YEATS4: variants seen among roughly 807,000 people sequenced by gnomAD.
YEATS4 encodes the protein YEATS domain containing 4.
A neutral mutation model predicts 30.1 loss-of-function variants in YEATS4; 17 were observed. The observed-to-expected ratio is 0.56, with a 90% confidence interval of 0.39 to 0.85. The LOEUF is 0.85. Ranked by LOEUF, YEATS4 falls within the 40% of genes least tolerant of loss-of-function variation. YEATS4 has a pLI of 0.00. For missense variants in YEATS4, 142 were observed against 268.3 expected (o/e 0.53, Z 3.29); for synonymous variants, 85 against 87.5 (o/e 0.97, Z 0.16).
At chr12:69,414,921 G>T in the YEATS4 span, among the ~76,000 whole-genome samples, 43,982 of 152,088 alleles carry the variant, frequency 0.29, 7,201 homozygotes, top group Non-Finnish European at 0.37. Context: ...TTCTTTTTGG[G>T]ATATCAATAA....
At chr12:69,394,558 C>T (rs541679714), downstream of YEATS4, among the ~76,000 whole-genome samples, 2 of 152,276 alleles carry the variant, frequency 1.3e-5, no homozygotes, top group African/African-American at 4.8e-5. Flanking sequence ...ACAGAGAAGA[C>T]ATCACTGATG....
chr12:69,418,354 A>T, the YEATS4 span, among the ~76,000 whole-genome samples: 1 of 152,158 alleles, frequency 6.6e-6, no homozygotes, highest in South Asian at 2.1e-4. Context: ...AGGGAGGCTG[A>T]GGCACAAGAA....
At chr12:69,378,342 T>G (rs1875946713) in intron 6 of YEATS4, among the ~76,000 whole-genome samples, 1 of 152,190 alleles carries the variant, frequency 6.6e-6, no homozygotes, top group African/African-American at 2.4e-5. Flanking sequence ...GATTGGAGAC[T>G]TTAGTCCATT....
intron 1 of YEATS4, among the ~76,000 whole-genome samples, chr12:69,361,865 G>A (rs12371475): frequency 0.13 from 19,216 of 152,168 alleles, 1,548 homozygotes; most frequent in Non-Finnish European, 0.18. Flanking sequence ...TATTTACCAA[G>A]CTTCAGTCAT....
chr12:69,411,303 T>C, the YEATS4 span, among the ~76,000 whole-genome samples: 2 of 152,138 alleles, frequency 1.3e-5, no homozygotes, highest in Non-Finnish European at 2.9e-5. Flanking sequence ...CTAATTTTTG[T>C]AGTATTTGTA....
chr12:69,365,545 T>C (rs1764646437), intron 2 of YEATS4, 88 bp from the exon 3 acceptor site: 1 of 880,494 alleles, frequency 1.1e-6, no homozygotes, highest in Non-Finnish European at 1.8e-6. Context: ...AGTATGTTTT[T>C]TATAAAACTA....
the YEATS4 span, among the ~76,000 whole-genome samples, chr12:69,413,512 C>T: frequency 0.03 from 4,101 of 137,138 alleles, 215 homozygotes; most frequent in African/African-American, 0.1. Context: ...TCTTCAACGC[C>T]CCCCCCATCT....
chr12:69,421,345 G>C, the YEATS4 span, among the ~76,000 whole-genome samples: 28 of 152,124 alleles, frequency 1.8e-4, no homozygotes, highest in African/African-American at 6.0e-4. Flanking sequence ...AGTTATAAAG[G>C]TGTGTCAGGC....
chr12:69,420,739 C>T, the YEATS4 span, among the ~76,000 whole-genome samples: 1 of 140,482 alleles, frequency 7.1e-6, no homozygotes. Context: ...GTTATGTGAA[C>T]TTTAACACAA....
intron 6 of YEATS4, among the ~76,000 whole-genome samples, chr12:69,386,202 C>T (rs1407329652): frequency 6.6e-6 from 1 of 152,188 alleles, no homozygotes; most frequent in Non-Finnish European, 1.5e-5. Context: ...CTCATGTCTT[C>T]TTCCAAACAT....
chr12:69,375,285 C>T (rs1166644254), intron 6 of YEATS4, among the ~76,000 whole-genome samples: 47 of 150,102 alleles, frequency 3.1e-4, no homozygotes, highest in African/African-American at 1.1e-3. Flanking sequence ...CGGGCAGAGG[C>T]GCTCTTCACA....
At chr12:69,393,119 TTAA>T (rs1868328013), downstream of YEATS4, among the ~76,000 whole-genome samples, 1 of 152,208 alleles carries the variant, frequency 6.6e-6, no homozygotes, top group South Asian at 2.1e-4. Context: ...GTTTTGTTTT[TTAA>T]TAATAATAGA....
chr12:69,378,509 A>G (rs1875955882), intron 6 of YEATS4, among the ~76,000 whole-genome samples: 1 of 150,836 alleles, frequency 6.6e-6, no homozygotes, highest in Admixed American at 6.6e-5. Flanking sequence ...GTATATTTTA[A>G]TTTCTTTTTA....
the YEATS4 span, among the ~76,000 whole-genome samples, chr12:69,413,353 GAAAAAAA>G: frequency 1.8e-5 from 2 of 110,630 alleles, no homozygotes; most frequent in South Asian, 2.6e-4. Flanking sequence ...GTCTCTAAAT[GAAAAAAA>G]AAAAAAAAAA....
the YEATS4 span, chr12:69,401,286 CTTGTT>C: frequency 6.6e-6 from 1 of 152,064 alleles, no homozygotes; most frequent in East Asian, 1.9e-4. Context: ...ATGTTCATTG[CTTGTT>C]TTAATAGTGA....
chr12:69,407,862 A>C, the YEATS4 span, among the ~76,000 whole-genome samples: 1 of 151,964 alleles, frequency 6.6e-6, no homozygotes, highest in African/African-American at 2.4e-5. Context: ...GATTACAGGC[A>C]TGTGCCACCA....
chr12:69,384,754 T>A (rs1876207105), intron 6 of YEATS4, among the ~76,000 whole-genome samples: 1 of 152,210 alleles, frequency 6.6e-6, no homozygotes, highest in Non-Finnish European at 1.5e-5. Flanking sequence ...TATATTTAAT[T>A]TCTGCATTTC....
At chr12:69,373,094 C>T (rs1483305989) in intron 6 of YEATS4, among the ~76,000 whole-genome samples, 3 of 152,166 alleles carry the variant, frequency 2.0e-5, no homozygotes, top group Non-Finnish European at 2.9e-5. Context: ...ACTGCAATAA[C>T]ATAAACATGG....
chr12:69,392,597 T>G (rs556801978), downstream of YEATS4, among the ~76,000 whole-genome samples: 112 of 152,306 alleles, frequency 7.4e-4, no homozygotes, highest in African/African-American at 2.7e-3. Flanking sequence ...ATCTAGACAA[T>G]AAGAAGAATT....
Sources: gnomAD v4.1 joint callset for allele counts (sites outside exome capture counted in the v4.1 genomes callset) on GRCh38, gnomAD v4.1.1 for gene constraint, MANE v1.5 for transcripts, NCBI Gene and HGNC (gene_info 2026-07-23, HGNC 2026-07-21) for gene names.